The following CLDN1 variants were observed in gnomAD, a reference collection of about 807,000 sequenced individuals.
The protein encoded by CLDN1 is claudin-1.
Under a neutral mutation model 22.6 loss-of-function variants are expected in CLDN1, and 12 were observed. That is an observed-to-expected ratio of 0.53 (90% CI 0.34 to 0.86). CLDN1 has a LOEUF of 0.86. Ranked by LOEUF, CLDN1 falls within the 40% of genes least tolerant of loss-of-function variation. The pLI is 0.02. For synonymous variants in CLDN1, 99 were observed against 103.8 expected (o/e 0.95, Z 0.28); for missense variants, 250 against 269.5 (o/e 0.93, Z 0.51).
rs1577389132 is a variant in CLDN1 at position 190,312,993 on chromosome 3, G to A, written c.267C>T (p.Leu89=). 1 of 1,614,126 alleles carries A rather than the reference G, an allele frequency of 6.2e-7. No individual in the cohort carries two copies. Among genetic ancestry groups the A allele is most frequent in the East Asian group, 2.2e-5 (1 of 44,878 alleles). Residue 89 remains leucine, a synonymous_variant, in exon 2 of 4, where the codon CTC becomes CTT. Transcript: ENST00000295522. ...ATRALMVVGI[L]LGVIAIFVAT... ...CCACAAAGATTGCTATCACTCCCAG[G>A]AGGATGCCAACCACCATCAAGGCAC...
At chr3:190,318,523 C>T (rs1716829743) in intron 1 of CLDN1, among the ~76,000 whole-genome samples, 1 of 152,120 alleles carries the variant, frequency 6.6e-6, no homozygotes, top group African/African-American at 2.4e-5. Flanking sequence ...CCATTCCTCC[C>T]ACTCTGCCCT....
At chr3:190,314,175 T>C (rs1716700671) in intron 1 of CLDN1, among the ~76,000 whole-genome samples, 1 of 152,222 alleles carries the variant, frequency 6.6e-6, no homozygotes, top group Non-Finnish European at 1.5e-5. Flanking sequence ...TTGGAACAAT[T>C]GACTCCTTGA....
chr3:190,310,232 G>A lies in CLDN1; in HGVS notation c.410C>T (p.Thr137Ile). 6.2e-7 allele frequency: 1 copy of A among 1,613,482 alleles called. No homozygotes were observed. The highest frequency in any genetic ancestry group is 8.5e-7 in the Non-Finnish European group (1 of 1,179,540). ...AACGATTCTATTGCCATACCATGCT[G>A]TGGCAACTAAAATAGCCAGACCTAT... ...LLAGLAILVA[T>I]AWYGNRIVQE... Residue 137 changes from threonine to isoleucine, a missense_variant, in exon 3 of 4, where the codon ACA becomes ATA. By Grantham distance (89) the Thr-to-Ile change is moderately conservative. Coordinates refer to ENST00000295522, the MANE Select transcript of CLDN1 (RefSeq NM_021101.5).
Position 190,321,933 on chromosome 3 carries a change from C to CA in CLDN1, c.223+50dup, listed in dbSNP as rs568924077. ...ACAGAATGAGCCCATAAGGGAGCTG[C>CA]AGGGGGACTGGGGCCTCTGGACGGC... is the stretch of plus-strand genomic sequence containing the variant. On this transcript the variant is annotated intron_variant, in intron 1 of 3. Transcript: ENST00000295522. 3.2e-4 allele frequency: 450 copies of CA among 1,422,700 alleles called. 4 individuals carry two copies. The African/African-American group carries it at 3.8e-3, about 12-fold the overall frequency. 88.1% of individuals were successfully genotyped at this position (1,422,700 alleles called of 1,614,324 possible).
In CLDN1 at chr3:190,306,977, G is replaced by A. The variant is rs752627313; in HGVS notation, c.*1300C>T. The A allele has an allele frequency of 3.9e-5, 6 of 152,660 alleles. No homozygotes were observed. The highest frequency in any genetic ancestry group is 6.5e-5 in the Admixed American group (1 of 15,272). 9.5% of individuals were successfully genotyped at this position (152,660 alleles called of 1,614,324 possible). On this transcript the variant is annotated 3_prime_UTR_variant, in exon 4 of 4. Transcript: ENST00000295522. The stretch of plus-strand genomic sequence containing the variant: ...AAGGCAGTGAATCACATGAAGGTAC[G>A]TGTGTAGGTTTTGTTCAGTGACTTC...
intron 2 of CLDN1, 47 bp downstream of exon 2, chr3:190,312,825 A>G: frequency 6.2e-7 from 1 of 1,601,424 alleles, no homozygotes; most frequent in Non-Finnish European, 8.6e-7. Context: ...TTCAAATCAT[A>G]CCAGGAACAG....
At position 190,312,800 on chromosome 3, in the gene CLDN1, T is replaced by A. The variant is rs1173855277; in HGVS notation, c.388+72A>T. On this transcript the variant is annotated intron_variant, in intron 2 of 3. Coordinates refer to ENST00000295522, the MANE Select transcript of CLDN1 (RefSeq NM_021101.5). Reference sequence around the variant, plus strand: ...AGAGACTGAAATCAAGTATAATGAATCCAACGTAATAGATTTCAAATCATA... The same window carrying A: ...AGAGACTGAAATCAAGTATAATGAAACCAACGTAATAGATTTCAAATCATA... 8 of 1,543,814 alleles carry A rather than the reference T, an allele frequency of 5.2e-6. No homozygotes were observed. In the Admixed American group the frequency reaches 1.3e-4, roughly 26 times the overall value.
rs1319927924 is a variant in CLDN1, at chr3:190,307,428, A to G, written c.*849T>C. On this transcript the variant is annotated 3_prime_UTR_variant, in exon 4 of 4. Coordinates refer to ENST00000295522, the MANE Select transcript of CLDN1 (RefSeq NM_021101.5). ...TGGGGGAACAGCATGCAGCTACTCA[A>G]TTGGACAAATATTTTCAAAGCAAAC... is the stretch of plus-strand genomic sequence containing the variant. 1 of 152,220 alleles carries G rather than the reference A, an allele frequency of 6.6e-6. No individual in the cohort carries two copies. 9.4% of individuals were successfully genotyped at this position (152,220 alleles called of 1,614,324 possible).
Position 190,322,195 on chromosome 3 carries a change from C to T in CLDN1, c.12G>A (p.Ala4=). 6.2e-7 allele frequency: 1 copy of T among 1,613,820 alleles called. No homozygotes were observed. The highest frequency in any genetic ancestry group is 8.5e-7 in the Non-Finnish European group (1 of 1,180,006). ...GAATGAAGCCCAACAGCTGCAGCCC[C>T]GCGTTGGCCATGACTCGCTCGGGCG... MAN[A]GLQLLGFILA... is the part of the protein sequence containing the mutation. The change falls in exon 1 of 4, where the codon GCG becomes GCA. Residue 4 remains alanine (A), a synonymous_variant. Coordinates refer to ENST00000295522, the MANE Select transcript of CLDN1 (RefSeq NM_021101.5).
Position 190,308,179 on chromosome 3 carries a change from T to A in CLDN1, c.*98A>T, listed in dbSNP as rs1716509860. On this transcript the variant is annotated 3_prime_UTR_variant, in exon 4 of 4. Transcript: ENST00000295522. Reference sequence around the variant, plus strand: ...TTGTTTTGTAATACCATACTTCAGATTACAATACCCAAAATTCTAAGGTCC... The same window carrying A: ...TTGTTTTGTAATACCATACTTCAGAATACAATACCCAAAATTCTAAGGTCC... The A allele has an allele frequency of 5.6e-6, 8 of 1,439,206 alleles. No homozygotes were observed. The East Asian group carries it at 9.1e-5, about 16-fold the overall frequency. 89.2% of individuals were successfully genotyped at this position (1,439,206 alleles called of 1,614,324 possible). A position where few individuals can be genotyped will look rare whatever the true frequency, so the allele number is the denominator to read the frequency against.
intron 1 of CLDN1, among the ~76,000 whole-genome samples, chr3:190,317,721 T>A (rs145330615): frequency 6.6e-6 from 1 of 152,218 alleles, no homozygotes; most frequent in Non-Finnish European, 1.5e-5. Context: ...CATGCTCAAG[T>A]CCTACAGTTG....
Position 190,313,686 on chromosome 3 carries a change from A to T in CLDN1, c.224-650T>A, listed in dbSNP as rs181334726. On this transcript the variant is annotated intron_variant, in intron 1 of 3. Transcript: ENST00000295522. ...ATGTTACCTTGGGACATAGTAGTAG[A>T]TTCATATTCAAAGACATCACTAGTT... 1.7e-4 allele frequency among the ~76,000 whole-genome samples: 26 copies of T among 151,904 alleles called. No homozygotes were observed. The East Asian group carries it at 4.8e-3, about 28-fold the overall frequency.
At chr3:190,308,480 T>C in intron 3 of CLDN1, 41 bp from the exon 4 acceptor site, 1 of 1,594,122 alleles carries the variant, frequency 6.3e-7, no homozygotes, top group Non-Finnish European at 8.6e-7. Flanking sequence ...CAGTGAATTA[T>C]TGGCAACTTT....
intron 1 of CLDN1, among the ~76,000 whole-genome samples, chr3:190,315,071 T>C (rs906996896): frequency 4.6e-5 from 7 of 152,220 alleles, no homozygotes; most frequent in African/African-American, 1.7e-4. Flanking sequence ...TATGTCCTCT[T>C]TCTGATGGAT....
chr3:190,312,024 G>A (rs540873219), intron 2 of CLDN1, among the ~76,000 whole-genome samples: 5 of 150,902 alleles, frequency 3.3e-5, no homozygotes, highest in Admixed American at 6.6e-5. Context: ...CTCGGCTCCC[G>A]AGTTGAGGTG....
intron 2 of CLDN1, among the ~76,000 whole-genome samples, chr3:190,311,828 A>G (rs1453035669): frequency 6.6e-6 from 1 of 151,924 alleles, no homozygotes; most frequent in African/African-American, 2.4e-5. Flanking sequence ...AATTTTTTAA[A>G]TAGGCATTAT....
In CLDN1 at chr3:190,322,303, C is replaced by A; in HGVS notation, c.-97G>T. ...CCGGACTCCCGAAGGTGGCTGGGCC[C>A]CGCGGAGGAAGTTAAGGCGGGGAGC... On this transcript the variant is annotated 5_prime_UTR_variant, in exon 1 of 4. Coordinates refer to ENST00000295522, the MANE Select transcript of CLDN1 (RefSeq NM_021101.5). The A allele has an allele frequency of 6.3e-6, 7 of 1,114,578 alleles. No individual in the cohort carries two copies. The South Asian group carries it at 9.1e-5, about 14-fold the overall frequency. 69.0% of individuals were successfully genotyped at this position (1,114,578 alleles called of 1,614,324 possible).
chr3:190,313,633 C>T lies in CLDN1; in HGVS notation c.224-597G>A, dbSNP rs144261981. On this transcript the variant is annotated intron_variant, in intron 1 of 3. Coordinates refer to ENST00000295522, the MANE Select transcript of CLDN1 (RefSeq NM_021101.5). The stretch of plus-strand genomic sequence containing the variant: ...TGGGGAAGAATATAGAAGTCATTTT[C>T]TTAAAACTAAACAAAATAACCTTTG... Among the ~76,000 whole-genome samples, 738 of 152,248 alleles carry T rather than the reference C, an allele frequency of 4.8e-3. 3 individuals are homozygous for T. Among genetic ancestry groups the T allele is most frequent in the Non-Finnish European group, 7.6e-3 (519 of 67,986 alleles).
chr3:190,308,042 CA>C lies in CLDN1; in HGVS notation c.*234del. 2.1e-6 allele frequency: 1 copy of C among 469,274 alleles called. No individual in the cohort carries two copies. Among genetic ancestry groups the C allele is most frequent in the South Asian group, 2.1e-5 (1 of 46,696 alleles). The allele number at this position is 469,274 out of a possible 1,614,324, so 29.1% of individuals were successfully genotyped here. On this transcript the variant is annotated 3_prime_UTR_variant, in exon 4 of 4. Coordinates refer to ENST00000295522, the MANE Select transcript of CLDN1 (RefSeq NM_021101.5). ...TTGAGTATGATTACTCAATGGGAAGCAGTAATACAAATGGAAAAATCTTCCC... is the reference window on the plus strand; with the variant it reads ...TTGAGTATGATTACTCAATGGGAAGCGTAATACAAATGGAAAAATCTTCCC...
Sources: gnomAD v4.1 joint callset for allele counts (sites outside exome capture counted in the v4.1 genomes callset) on GRCh38, gnomAD v4.1.1 for gene constraint, MANE v1.5 for transcripts, NCBI Gene and HGNC (gene_info 2026-07-23, HGNC 2026-07-21) for gene names.